PRR22: variants seen among roughly 807,000 people sequenced by gnomAD.
PRR22 encodes proline-rich protein 22.
In PRR22, 5 loss-of-function variants were observed where a neutral mutation model predicts 7.2. The ratio of observed to expected loss-of-function variants is 0.69; its 90% CI spans 0.36 to 1.45. The LOEUF is 1.45. PRR22 is among the 40% of genes most tolerant of loss of function. The pLI is 0.03. For synonymous variants in PRR22, 319 were observed against 269.3 expected, an observed-to-expected ratio of 1.18 and a Z score of -1.81; for missense variants, 619 against 568.8, an observed-to-expected ratio of 1.09 and a Z score of -0.90.
In PRR22 at chr19:5,783,088, CCTTT is replaced by C; in HGVS notation, c.1155_1158del (p.Lys386ProfsTer?). 3.7e-6 allele frequency: 6 copies of C among 1,608,340 alleles called. No individual in the cohort carries two copies. Among genetic ancestry groups the C allele is most frequent in the Non-Finnish European group, 5.1e-6 (6 of 1,176,998 alleles). On this transcript the variant is annotated frameshift_variant, in exon 3 of 3. Transcript: ENST00000419421. LOFTEE classifies it low-confidence loss of function (END_TRUNC). Reference sequence around the variant, plus strand: ...GGCTTTCCCTTCTTGGCCGTCGAGGCCTTTCTCTTGCCAGACAGAATGGGGGCCG... The same window carrying C: ...GGCTTTCCCTTCTTGGCCGTCGAGGCCTCTTGCCAGACAGAATGGGGGCCG...
At position 5,783,733 on chromosome 19, in the gene PRR22, G is replaced by T; in HGVS notation, c.514C>A (p.Pro172Thr). The change falls in exon 3 of 3, where the codon CCC (proline) becomes ACC (threonine). Residue 172 changes from proline (P) to threonine (T), a missense_variant. By Grantham distance (38) the Pro-to-Thr change is conservative. Transcript: ENST00000419421. ...GGGCCTTCCTCTAGGGGCGGTAGGG[G>T]CAGCTCCACGAAGGCGGCGGGCCCT... ...DAGPAAFVEL[P>T]LPPLEEGPAP... 6.7e-7 allele frequency: 1 copy of T among 1,503,316 alleles called. No individual in the cohort carries two copies. Among genetic ancestry groups the T allele is most frequent in the South Asian group, 1.3e-5 (1 of 75,006 alleles). 93.1% of individuals were successfully genotyped at this position (1,503,316 alleles called of 1,614,324 possible).
Position 5,783,075 on chromosome 19 carries a change from T to C in PRR22, c.1172A>G (p.Lys391Arg), listed in dbSNP as rs559986558. The change falls in exon 3 of 3, where the codon AAG becomes AGG. Residue 391 changes from lysine to arginine, a missense_variant. Lys to Arg is a conservative substitution (Grantham distance 26, BLOSUM62 2). Coordinates refer to ENST00000419421, the MANE Select transcript of PRR22 (RefSeq NM_001134316.2). Reference sequence around the variant, plus strand: ...GGCCTTCCTTCCCGGCTTTCCCTTCTTGGCCGTCGAGGCCTTTCTCTTGCC... The same window carrying C: ...GGCCTTCCTTCCCGGCTTTCCCTTCCTGGCCGTCGAGGCCTTTCTCTTGCC... The part of the protein sequence containing the change: ...LSGKRKASTA[K>R]KGKPGRKARQ... The C allele has an allele frequency of 1.9e-5, 31 of 1,601,774 alleles. 2 individuals are homozygous for C. The South Asian group carries it at 3.3e-4, about 17-fold the overall frequency.
At position 5,783,910 on chromosome 19, in the gene PRR22, T is replaced by C. The variant is rs778708724; in HGVS notation, c.337A>G (p.Ser113Gly). 6 of 1,574,982 alleles carry C rather than the reference T, an allele frequency of 3.8e-6. No individual in the cohort carries two copies. The highest frequency in any genetic ancestry group is 5.2e-6 in the Non-Finnish European group (6 of 1,161,530). ...TAGGGCTGAGGCTCCAGGAGGTAGC[T>C]GCCTGGGGCGGAGGGGACCCCCGCT... ...GPAGVPSAPG[S>G]YLLEPQPYLK... Residue 113 changes from serine (S) to glycine (G), a missense_variant, in exon 3 of 3, where the codon AGC becomes GGC. Coordinates refer to ENST00000419421, the MANE Select transcript of PRR22 (RefSeq NM_001134316.2).
At position 5,784,359 on chromosome 19, in the gene PRR22, C is replaced by T. The variant is rs2446212; in HGVS notation, c.193+18G>A. The T allele has an allele frequency of 0.22, 356,223 of 1,608,518 alleles. 53,389 individuals carry two copies. The highest frequency in any genetic ancestry group is 0.7 in the African/African-American group (52,093 of 74,892). ...AACCCACTCCCAGCCTCGTCAAGGG[C>T]TCAGGGGAGGCCGGTACCTGCTGGT... On this transcript the variant is annotated intron_variant, in intron 2 of 2. Transcript: ENST00000419421.
In PRR22 at chr19:5,784,025, G is replaced by A. The variant is rs766646743; in HGVS notation, c.222C>T (p.Phe74=). Residue 74 remains phenylalanine, a synonymous_variant, in exon 3 of 3, where the codon TTC becomes TTT. Transcript: ENST00000419421. ...AGFQMAPCGC[F]FDPRIYRIEW... The stretch of plus-strand genomic sequence containing the variant: ...CGATCCGATAGATGCGGGGGTCGAA[G>A]AAGCACCCGCATGGGGCCATCTGGA... 4 of 1,610,904 alleles carry A rather than the reference G, an allele frequency of 2.5e-6. No individual in the cohort carries two copies. The highest frequency in any genetic ancestry group is 1.3e-5 in the African/African-American group (1 of 74,914).
rs564552880 is a variant in PRR22 at position 5,783,927 on chromosome 19, A to C, written c.320T>G (p.Val107Gly). 2 of 1,577,382 alleles carry C rather than the reference A, an allele frequency of 1.3e-6. No homozygotes were observed. The highest frequency in any genetic ancestry group is 2.7e-5 in the African/African-American group (2 of 73,444). Residue 107 changes from valine (V) to glycine (G), a missense_variant, in exon 3 of 3, where the codon GTC becomes GGC. Transcript: ENST00000419421. The part of the protein sequence containing the change: ...LAASSGGPAG[V>G]PSAPGSYLLE... ...GAGGTAGCTGCCTGGGGCGGAGGGG[A>C]CCCCCGCTGGCCCCCCGCTGCTTGC... is the stretch of plus-strand genomic sequence containing the variant.
At position 5,783,972 on chromosome 19, in the gene PRR22, G is replaced by GGTCC. The variant is rs2056816382; in HGVS notation, c.274_275insGGAC (p.Ser92TrpfsTer6). On this transcript the variant is annotated frameshift_variant, in exon 3 of 3. Coordinates refer to ENST00000419421, the MANE Select transcript of PRR22 (RefSeq NM_001134316.2). LOFTEE classifies it low-confidence loss of function (END_TRUNC). The stretch of plus-strand genomic sequence containing the variant: ...GCTTGCTGCCAGCTTATACAGGGCT[G>GGTCC]ACTGGCCCAGGTCGGGGGTGGTCCA... 1.2e-6 allele frequency: 2 copies of GGTCC among 1,607,620 alleles called. No individual in the cohort carries two copies. The highest frequency in any genetic ancestry group is 1.7e-6 in the Non-Finnish European group (2 of 1,177,814).
chr19:5,784,485 G>T, intron 1 of PRR22, 46 bp from the exon 2 acceptor site: 1 of 1,549,810 alleles, frequency 6.5e-7, no homozygotes, highest in East Asian at 2.4e-5. Context: ...AGGCGGGTGG[G>T]CCCCTGAACC....
rs1454244377 is a variant in PRR22 at position 5,784,062 on chromosome 19, G to A, written c.194-9C>T. On this transcript the variant is annotated splice_polypyrimidine_tract_variant and intron_variant, in intron 2 of 2. Transcript: ENST00000419421. ...TGGGGCCATCTGGAAACCTGTGGGC[G>A]GCAGGCGGGTGCCCTGAGAGCAGCT... is the stretch of plus-strand genomic sequence containing the variant. The A allele has an allele frequency of 9.9e-6, 16 of 1,610,468 alleles. No homozygotes were observed. The highest frequency in any genetic ancestry group is 8.3e-5 in the Admixed American group (5 of 59,942).
chr19:5,784,120 C>T (rs771480632), intron 2 of PRR22, 67 bp from the exon 3 acceptor site: 2 of 1,458,098 alleles, frequency 1.4e-6, no homozygotes, highest in Non-Finnish European at 1.9e-6. Context: ...AGCCTGGGGG[C>T]CTGTTTGGGA....
Position 5,784,512 on chromosome 19 carries a change from C to T in PRR22, c.130+19G>A. 2 of 1,549,986 alleles carry T rather than the reference C, an allele frequency of 1.3e-6. No individual in the cohort carries two copies. The highest frequency in any genetic ancestry group is 8.7e-7 in the Non-Finnish European group (1 of 1,146,612). On this transcript the variant is annotated intron_variant, in intron 1 of 2. Coordinates refer to ENST00000419421, the MANE Select transcript of PRR22 (RefSeq NM_001134316.2). Reference sequence around the variant, plus strand: ...CCCTGAACCCTCTCCAGCAGGTGCTCCCACCCACCCGATCGTACCCATAGC... The same window carrying T: ...CCCTGAACCCTCTCCAGCAGGTGCTTCCACCCACCCGATCGTACCCATAGC...
rs775528797 is a variant in PRR22 at position 5,784,719 on chromosome 19, G to A, written c.-59C>T. 64 of 1,511,420 alleles carry A rather than the reference G, an allele frequency of 4.2e-5. No individual in the cohort carries two copies. In the Admixed American group the frequency reaches 1.2e-3, roughly 28 times the overall value. The allele number at this position is 1,511,420 out of a possible 1,614,324, so 93.6% of individuals were successfully genotyped here. The stretch of plus-strand genomic sequence containing the variant: ...GAGGGCGGCAGTGGGAGTGCAAGTG[G>A]CCCAACCGGAGAACAGGCTGAGAAC... On this transcript the variant is annotated 5_prime_UTR_variant, in exon 1 of 3. Transcript: ENST00000419421.
chr19:5,784,460 G>A (rs981192979), intron 1 of PRR22, 21 bp from the exon 2 acceptor site: 1 of 1,552,774 alleles, frequency 6.4e-7, no homozygotes, highest in Non-Finnish European at 8.7e-7. Flanking sequence ...AGGTGCCCAG[G>A]TGGGTAGGGC....
Position 5,783,970 on chromosome 19 carries a change from C to CCCATCGGGGG in PRR22, c.276_277insCCCCCGATGG (p.Ala93ProfsTer7), listed in dbSNP as rs2056816364. 1.2e-6 allele frequency: 2 copies of CCCATCGGGGG among 1,606,356 alleles called. No homozygotes were observed. Among genetic ancestry groups the CCCATCGGGGG allele is most frequent in the Non-Finnish European group, 1.7e-6 (2 of 1,177,306 alleles). On this transcript the variant is annotated frameshift_variant, in exon 3 of 3. Transcript: ENST00000419421. LOFTEE classifies it low-confidence loss of function (END_TRUNC). ...CTGCTTGCTGCCAGCTTATACAGGG[C>CCCATCGGGGG]TGACTGGCCCAGGTCGGGGGTGGTC...
chr19:5,783,690 G>C lies in PRR22; in HGVS notation c.557C>G (p.Pro186Arg). 1 of 1,497,578 alleles carries C rather than the reference G, an allele frequency of 6.7e-7. No homozygotes were observed. Among genetic ancestry groups the C allele is most frequent in the Non-Finnish European group, 8.9e-7 (1 of 1,122,702 alleles). 92.8% of individuals were successfully genotyped at this position (1,497,578 alleles called of 1,614,324 possible). ...LEEGPAPLPP[P>R]PPKENKPPPV... ...GGGCGGCTTGTTCTCCTTGGGGGGT[G>C]GGGGTGGCAGCGGGGCCGGGCCTTC... The change falls in exon 3 of 3, where the codon CCA (proline) becomes CGA (arginine). Residue 186 changes from proline (P) to arginine (R), a missense_variant. By Grantham distance (103) the Pro-to-Arg change is moderately radical. Coordinates refer to ENST00000419421, the MANE Select transcript of PRR22 (RefSeq NM_001134316.2).
Position 5,783,508 on chromosome 19 carries a change from G to T in PRR22, c.739C>A (p.Pro247Thr). ...SGARPGVPLY[P>T]PGLSELKVAE... ...ACCTTGAGCTCGCTGAGGCCCGGTG[G>T]GTACAGGGGCACCCCAGGTCGGGCC... Residue 247 changes from proline (P) to threonine (T), a missense_variant, in exon 3 of 3, where the codon CCA (proline) becomes ACA (threonine). Transcript: ENST00000419421. 6.2e-7 allele frequency: 1 copy of T among 1,603,306 alleles called. No individual in the cohort carries two copies. Among genetic ancestry groups the T allele is most frequent in the Non-Finnish European group, 8.5e-7 (1 of 1,175,618 alleles).
rs1307695096 is a variant in PRR22, at chr19:5,784,683, A to G, written c.-23T>C. 5 of 1,532,068 alleles carry G rather than the reference A, an allele frequency of 3.3e-6. No individual in the cohort carries two copies. The highest frequency in any genetic ancestry group is 3.5e-6 in the Non-Finnish European group (4 of 1,145,858). 94.9% of individuals were successfully genotyped at this position (1,532,068 alleles called of 1,614,324 possible). On this transcript the variant is annotated 5_prime_UTR_variant, in exon 1 of 3. Transcript: ENST00000419421. ...CATGGGGCAGCGGGGGGCCCGGTCCAGACAGGCCAGGAGGGCGGCAGTGGG... is the reference window on the plus strand; with the variant it reads ...CATGGGGCAGCGGGGGGCCCGGTCCGGACAGGCCAGGAGGGCGGCAGTGGG...
rs766982932 is a variant in PRR22 at position 5,783,688 on chromosome 19, G to A, written c.559C>T (p.Pro187Ser). The change falls in exon 3 of 3, where the codon CCC (proline) becomes TCC (serine). Residue 187 changes from proline to serine, a missense_variant. Physicochemically the swap from Pro to Ser is moderately conservative, Grantham distance 74. Coordinates refer to ENST00000419421, the MANE Select transcript of PRR22 (RefSeq NM_001134316.2). Reference sequence around the variant, plus strand: ...GGGGGCGGCTTGTTCTCCTTGGGGGGTGGGGGTGGCAGCGGGGCCGGGCCT... The same window carrying A: ...GGGGGCGGCTTGTTCTCCTTGGGGGATGGGGGTGGCAGCGGGGCCGGGCCT... ...EEGPAPLPPP[P>S]PKENKPPPVL... The A allele has an allele frequency of 3.3e-6, 5 of 1,504,582 alleles. No homozygotes were observed. In the African/African-American group the frequency reaches 5.6e-5, roughly 17 times the overall value. The allele number at this position is 1,504,582 out of a possible 1,614,324, so 93.2% of individuals were successfully genotyped here.
rs867395644 is a variant in PRR22, at chr19:5,783,202, C to T, written c.1045G>A (p.Val349Met). 6.2e-6 allele frequency: 10 copies of T among 1,612,640 alleles called. No homozygotes were observed. The highest frequency in any genetic ancestry group is 4.4e-5 in the South Asian group (4 of 91,090). The change falls in exon 3 of 3, where the codon GTG (valine) becomes ATG (methionine). Residue 349 changes from valine (V) to methionine (M), a missense_variant. Val to Met is a conservative substitution (Grantham distance 21). Coordinates refer to ENST00000419421, the MANE Select transcript of PRR22 (RefSeq NM_001134316.2). ...TTGAAGAAGTAGTCAACGTTGGACACGGTGTCCAGGATCTCAGGCACGCTG... is the reference window on the plus strand; with the variant it reads ...TTGAAGAAGTAGTCAACGTTGGACATGGTGTCCAGGATCTCAGGCACGCTG... Reference protein sequence around the residue: ...DYSVPEILDTVSNVDYFFNFK... With the variant: ...DYSVPEILDTMSNVDYFFNFK...
Sources: allele counts gnomAD v4.1 joint callset, GRCh38; gene constraint gnomAD v4.1.1; transcripts MANE v1.5; gene names NCBI Gene and HGNC (gene_info 2026-07-23, HGNC 2026-07-21).